The following ONECUT1 variants were observed in gnomAD, a reference collection of about 807,000 sequenced individuals.
The protein encoded by ONECUT1 is hepatocyte nuclear factor 6.
A neutral mutation model predicts 25.6 loss-of-function variants in ONECUT1; 12 were observed. The observed-to-expected ratio is 0.47, with a 90% CI of 0.30 to 0.76. The LOEUF is 0.76. Among genes scored for constraint, ONECUT1 ranks in the 30% least tolerant of loss-of-function variants. The pLI, the probability that ONECUT1 is intolerant of heterozygous loss-of-function variation, is 0.07. For missense variants in ONECUT1, 620 were observed against 651.2 expected, an observed-to-expected ratio of 0.95 and a Z score of 0.52; for synonymous variants, 285 against 270.2, an observed-to-expected ratio of 1.05 and a Z score of -0.54.
intron 1 of ONECUT1, among the ~76,000 whole-genome samples, chr15:52,767,044 C>T (rs1470618009): frequency 6.6e-6 from 1 of 152,108 alleles, no homozygotes; most frequent in Non-Finnish European, 1.5e-5. Flanking sequence ...CTTACCAGGC[C>T]TCACAATAAG....
At chr15:52,766,001 T>A (rs2083731923) in intron 1 of ONECUT1, among the ~76,000 whole-genome samples, 1 of 152,168 alleles carries the variant, frequency 6.6e-6, no homozygotes, top group Non-Finnish European at 1.5e-5. Flanking sequence ...AACAACCTAC[T>A]GGACATGAGC....
At chr15:52,770,886 A>G (rs2141453013) in intron 1 of ONECUT1, among the ~76,000 whole-genome samples, 1 of 152,290 alleles carries the variant, frequency 6.6e-6, no homozygotes, top group South Asian at 2.1e-4. Context: ...GAGAACATTT[A>G]TTTTAATTTT....
Position 52,789,650 on chromosome 15 carries a change from G to T in ONECUT1, c.235C>A (p.Leu79Met). The change falls in exon 1 of 2, where the codon CTG becomes ATG. Residue 79 changes from leucine (L) to methionine (M), a missense_variant. This residue lies in a region of ONECUT1 where 440 missense variants were observed against 404.9 expected (regional missense o/e 1.09). Coordinates refer to ENST00000305901, the MANE Select transcript of ONECUT1 (RefSeq NM_004498.4). The surrounding 1 kb of genome is among the most constrained non-coding windows in gnomAD (Gnocchi z 4.1). ...ATGGTGGGATGCAGGGGGCCGGCCA[G>T]GCTGTGCTCAGGGGCCCGGTGGTGG... ...HHHHRAPEHS[L>M]AGPLHPTMTM... The T allele has an allele frequency of 6.4e-7, 1 of 1,551,868 alleles. No homozygotes were observed. Among genetic ancestry groups the T allele is most frequent in the African/African-American group, 1.4e-5 (1 of 73,004 alleles).
rs1359448259 is a variant in ONECUT1, at chr15:52,788,758, C to T, written c.1105+22G>A. The T allele has an allele frequency of 1.9e-6, 3 of 1,593,122 alleles. No homozygotes were observed. In the South Asian group the frequency reaches 3.4e-5, roughly 18 times the overall value. On this transcript the variant is annotated intron_variant, in intron 1 of 1. Transcript: ENST00000305901. The surrounding 1 kb of genome is among the most constrained non-coding windows in gnomAD (Gnocchi z 4.3). ...TTTCGTGTACCTTATCTCCCGCGCG[C>T]CCAGCTCCTTGGCCGGCTCACCTGC...
At chr15:52,786,780 G>T (rs1211103887) in intron 1 of ONECUT1, among the ~76,000 whole-genome samples, 1 of 151,862 alleles carries the variant, frequency 6.6e-6, no homozygotes, top group East Asian at 1.9e-4. Flanking sequence ...CTTCCAGGGG[G>T]CGACAGCAGG....
At chr15:52,773,924 T>C (rs1344018350) in intron 1 of ONECUT1, among the ~76,000 whole-genome samples, 1 of 152,192 alleles carries the variant, frequency 6.6e-6, no homozygotes, top group Non-Finnish European at 1.5e-5. Flanking sequence ...TCTATCTATA[T>C]GTTGAATAAA....
At chr15:52,768,102 A>G (rs1244300744) in intron 1 of ONECUT1, among the ~76,000 whole-genome samples, 1 of 152,160 alleles carries the variant, frequency 6.6e-6, no homozygotes, top group Non-Finnish European at 1.5e-5. Flanking sequence ...ATTAGATAGA[A>G]TGCATAAGAC....
At chr15:52,775,920 G>A (rs185285003) in intron 1 of ONECUT1, among the ~76,000 whole-genome samples, 237 of 152,314 alleles carry the variant, frequency 1.6e-3, no homozygotes, top group Admixed American at 3.3e-3. Flanking sequence ...TAGATAGACA[G>A]CTCTTGAGCT....
Position 52,766,352 on chromosome 15 carries a change from C to T in ONECUT1, c.1106-8505G>A, listed in dbSNP as rs564865011. On this transcript the variant is annotated intron_variant, in intron 1 of 1. Coordinates refer to ENST00000305901, the MANE Select transcript of ONECUT1 (RefSeq NM_004498.4). ...ACTGGACCCTGGAAGCAGAGGGCAG[C>T]ACCAGTGAAACATCATGGAAACTTT... Among the ~76,000 whole-genome samples the T allele has an allele frequency of 5.9e-5, 9 of 151,962 alleles. No homozygotes were observed. The South Asian group carries it at 1.7e-3, about 28-fold the overall frequency.
intron 1 of ONECUT1, among the ~76,000 whole-genome samples, chr15:52,766,829 G>A (rs901175181): frequency 2.6e-5 from 4 of 152,228 alleles, no homozygotes; most frequent in African/African-American, 9.6e-5. Flanking sequence ...CTCTAGCAGA[G>A]CTGTCCAGGA....
intron 1 of ONECUT1, among the ~76,000 whole-genome samples, chr15:52,763,974 C>T (rs1225804108): frequency 2.0e-5 from 3 of 152,156 alleles, no homozygotes; most frequent in Admixed American, 2.0e-4. Flanking sequence ...CCTTCACTAC[C>T]TAGAGTTTAA....
Position 52,785,518 on chromosome 15 carries a change from G to A in ONECUT1, c.1105+3262C>T, listed in dbSNP as rs34939760. Among the ~76,000 whole-genome samples, 1,133 of 152,346 alleles carry A rather than the reference G, an allele frequency of 7.4e-3. 8 individuals carry two copies. Among genetic ancestry groups the A allele is most frequent in the Non-Finnish European group, 0.011 (762 of 68,034 alleles). Reference sequence around the variant, plus strand: ...CCCCGCCCGAACCTCGGGCCTGCGCGCCGCCTTCCCCTGGGTCCGCGGTGC... The same window carrying A: ...CCCCGCCCGAACCTCGGGCCTGCGCACCGCCTTCCCCTGGGTCCGCGGTGC... On this transcript the variant is annotated intron_variant, in intron 1 of 1. Coordinates refer to ENST00000305901, the MANE Select transcript of ONECUT1 (RefSeq NM_004498.4).
Position 52,789,950 on chromosome 15 carries a change from C to T in ONECUT1, c.-66G>A. 10 of 1,464,452 alleles carry T rather than the reference C, an allele frequency of 6.8e-6. No individual in the cohort carries two copies. The highest frequency in any genetic ancestry group is 9.0e-6 in the Non-Finnish European group (10 of 1,116,646). The allele number at this position is 1,464,452 out of a possible 1,614,324, so 90.7% of individuals were successfully genotyped here. Reference sequence around the variant, plus strand: ...GGCCAGGCAGAGGCGGCGAGGGGCGCACGGAGTCCGGTCTTCACATCGGCT... The same window carrying T: ...GGCCAGGCAGAGGCGGCGAGGGGCGTACGGAGTCCGGTCTTCACATCGGCT... On this transcript the variant is annotated 5_prime_UTR_variant, in exon 1 of 2. Transcript: ENST00000305901. This position sits in a 1 kb window ranked among gnomAD's most constrained non-coding sequence, Gnocchi z 4.1.
At chr15:52,783,267 C>G (rs564049101) in intron 1 of ONECUT1, among the ~76,000 whole-genome samples, 33 of 151,926 alleles carry the variant, frequency 2.2e-4, no homozygotes, top group African/African-American at 7.0e-4. Context: ...CACTCAGATA[C>G]TCACACAAAG....
chr15:52,785,972 G>A (rs1305565945), intron 1 of ONECUT1: 1 of 152,194 alleles, frequency 6.6e-6, no homozygotes, highest in Non-Finnish European at 1.5e-5. Flanking sequence ...CTCTCCCGCT[G>A]CGGAGCGAAG....
rs762429917 is a variant in ONECUT1 at position 52,788,748 on chromosome 15, C to T, written c.1105+32G>A. 1.3e-6 allele frequency: 2 copies of T among 1,581,936 alleles called. No individual in the cohort carries two copies. The highest frequency in any genetic ancestry group is 1.2e-5 in the South Asian group (1 of 86,164). The stretch of plus-strand genomic sequence containing the variant: ...TCCCTTCGGCTTTCGTGTACCTTAT[C>T]TCCCGCGCGCCCAGCTCCTTGGCCG... On this transcript the variant is annotated intron_variant, in intron 1 of 1. Transcript: ENST00000305901. The surrounding 1 kb of genome is among the most constrained non-coding windows in gnomAD (Gnocchi z 4.3).
chr15:52,786,818 C>T (rs1413455540), intron 1 of ONECUT1, among the ~76,000 whole-genome samples: 1 of 150,182 alleles, frequency 6.7e-6, no homozygotes, highest in African/African-American at 2.5e-5. Context: ...ATATTGAAGT[C>T]CAGAGCAAGA....
chr15:52,779,266 T>C (rs910956835), intron 1 of ONECUT1, among the ~76,000 whole-genome samples: 7 of 151,902 alleles, frequency 4.6e-5, no homozygotes, highest in Admixed American at 4.6e-4. Flanking sequence ...TTTTTTTGTA[T>C]TTTAGTACAG....
rs1382132058 is a variant in ONECUT1 at position 52,790,012 on chromosome 15, GCTCTGT to G, written c.-134_-129del. The G allele has an allele frequency of 3.1e-5, 42 of 1,348,192 alleles. No homozygotes were observed. Among genetic ancestry groups the G allele is most frequent in the Non-Finnish European group, 3.7e-5 (39 of 1,046,950 alleles). 83.5% of individuals were successfully genotyped at this position (1,348,192 alleles called of 1,614,324 possible). A position where few individuals can be genotyped will look rare whatever the true frequency, so the allele number is the denominator to read the frequency against. ...TTGCCTTCCTTCCTCTCACTGTGGG[GCTCTGT>G]CTCTCTCTCTCTCTCTCTCCGTGTG... On this transcript the variant is annotated 5_prime_UTR_variant, in exon 1 of 2. Transcript: ENST00000305901.
Sources: allele counts gnomAD v4.1 joint callset (sites outside exome capture counted in the v4.1 genomes callset), GRCh38; gene constraint gnomAD v4.1.1; regional missense constraint gnomAD v4.1.1; non-coding constraint Gnocchi (gnomAD v3.1); transcripts MANE v1.5; gene names NCBI Gene and HGNC (gene_info 2026-07-23, HGNC 2026-07-21).